The following VRK2 variants were observed in gnomAD, a reference collection of about 807,000 sequenced individuals.
The protein encoded by VRK2 is VRK serine/threonine kinase 2.
A neutral mutation model predicts 57.6 loss-of-function variants in VRK2; 60 were observed. The ratio of observed to expected loss-of-function variants is 1.04; its 90% CI spans 0.85 to 1.29. The LOEUF (loss-of-function observed/expected upper bound fraction) is 1.29, where lower values mean the gene tolerates loss of function less well. Ranked by LOEUF, VRK2 falls within the 50% of genes most tolerant of loss-of-function variation. VRK2 has a pLI of 0.00. For synonymous variants in VRK2, 231 were observed against 199.2 expected, an observed-to-expected ratio of 1.16 and a Z score of -1.35; for missense variants, 705 against 588.1, an observed-to-expected ratio of 1.20 and a Z score of -2.06.
intron 12 of VRK2, among the ~76,000 whole-genome samples, chr2:58,158,545 A>C (rs1684382906): frequency 7.6e-6 from 1 of 131,920 alleles, no homozygotes; most frequent in Non-Finnish European, 1.8e-5. Flanking sequence ...GAACAAGCTT[A>C]AAGTATTTTG....
chr2:57,977,671 C>A (rs1028285144), intron 1 of VRK2, among the ~76,000 whole-genome samples: 3 of 151,154 alleles, frequency 2.0e-5, no homozygotes, highest in African/African-American at 7.4e-5. Context: ...AAAGAGAGAT[C>A]GTTTGACTTC....
chr2:58,054,625 A>G (rs528745091), intron 2 of VRK2, among the ~76,000 whole-genome samples: 13 of 152,276 alleles, frequency 8.5e-5, no homozygotes, highest in Middle Eastern at 3.4e-3. Flanking sequence ...AGGAATATCT[A>G]TATCAGATAA....
chr2:57,945,532 T>C (rs1671236519), intron 1 of VRK2, among the ~76,000 whole-genome samples: 1 of 152,170 alleles, frequency 6.6e-6, no homozygotes, highest in Non-Finnish European at 1.5e-5. Context: ...TATTTTAAAT[T>C]CTCATCATGC....
At chr2:58,036,809 T>C (rs955473433) in intron 3 of VRK2, among the ~76,000 whole-genome samples, 6 of 152,208 alleles carry the variant, frequency 3.9e-5, no homozygotes, top group East Asian at 3.9e-4. Flanking sequence ...CATAACTCTC[T>C]ATAATGATGG....
At chr2:58,092,216 AGAT>A (rs1196204328) in intron 7 of VRK2, among the ~76,000 whole-genome samples, 1 of 152,084 alleles carries the variant, frequency 6.6e-6, no homozygotes, top group African/African-American at 2.4e-5. Flanking sequence ...CAGCCCCAGG[AGAT>A]GATTTCTGTC....
upstream of VRK2, among the ~76,000 whole-genome samples, chr2:58,042,358 A>C (rs975409520): frequency 3.9e-5 from 6 of 152,116 alleles, no homozygotes; most frequent in African/African-American, 1.4e-4. Context: ...CAAAATTATT[A>C]ATTTCAAAAT....
At chr2:58,092,984 G>A (rs1240850231) in intron 7 of VRK2, among the ~76,000 whole-genome samples, 1 of 152,092 alleles carries the variant, frequency 6.6e-6, no homozygotes, top group South Asian at 2.1e-4. Context: ...CCCTACAAAG[G>A]ACATGAACTC....
At chr2:58,015,769 G>T (rs1300996233) in intron 1 of VRK2, among the ~76,000 whole-genome samples, 1 of 151,994 alleles carries the variant, frequency 6.6e-6, no homozygotes, top group African/African-American at 2.4e-5. Context: ...GGTATGTTTT[G>T]TGAGCCATTG....
intron 1 of VRK2, among the ~76,000 whole-genome samples, chr2:57,933,859 C>A (rs1465046643): frequency 6.6e-6 from 1 of 152,114 alleles, no homozygotes. Context: ...TTCTTTAGTG[C>A]AATCCTTGGA....
At position 58,048,944 on chromosome 2, in the gene VRK2, G is replaced by A. The variant is rs943968000; in HGVS notation, c.113G>A (p.Gly38Glu). The part of the protein sequence containing the change: ...QWVLGKKIGS[G>E]GFGLIYLAFP... ...GTACTGGGCAAGAAGATTGGCTCTG[G>A]AGGATTTGGATTGATATATTTAGGT... Residue 38 changes from glycine (G) to glutamate (E), a missense_variant, in exon 2 of 13, where the codon GGA (glycine) becomes GAA (glutamate). By Grantham distance (98) the Gly-to-Glu change is moderately conservative. Coordinates refer to ENST00000340157, the MANE Select transcript of VRK2 (RefSeq NM_006296.7). 2 of 1,613,826 alleles carry A rather than the reference G, an allele frequency of 1.2e-6. No homozygotes were observed. The highest frequency in any genetic ancestry group is 1.7e-6 in the Non-Finnish European group (2 of 1,179,856).
chr2:58,134,973 C>T (rs1469176884), intron 9 of VRK2, among the ~76,000 whole-genome samples, 168 bp from the exon 10 acceptor site: 1 of 151,996 alleles, frequency 6.6e-6, no homozygotes, highest in Non-Finnish European at 1.5e-5. Context: ...TGAGGGTTCT[C>T]CTCTACTTCT....
chr2:58,038,587 G>A (rs937450558), intron 3 of VRK2, among the ~76,000 whole-genome samples: 14 of 152,094 alleles, frequency 9.2e-5, no homozygotes, highest in Middle Eastern at 3.4e-3. Context: ...TACTAAACAA[G>A]CCTTATCTAC....
rs1671922595 is a variant in VRK2, at chr2:58,088,362, A to G, written c.366A>G (p.Glu122=). The change falls in exon 6 of 13, where the codon GAA becomes GAG. Residue 122 remains glutamate (E), a synonymous_variant. Coordinates refer to ENST00000340157, the MANE Select transcript of VRK2 (RefSeq NM_006296.7). ...KGRSYRFMVM[E]RLGIDLQKIS... ...ACAGTTACAGATTTATGGTAATGGA[A>G]AGACTAGGAATAGATTTACAGAAGA... The G allele has an allele frequency of 1.2e-6, 2 of 1,611,880 alleles. No homozygotes were observed. The highest frequency in any genetic ancestry group is 2.7e-5 in the African/African-American group (2 of 74,838).
upstream of VRK2, among the ~76,000 whole-genome samples, chr2:58,043,273 A>G (rs903972110): frequency 6.6e-6 from 1 of 152,162 alleles, no homozygotes; most frequent in Non-Finnish European, 1.5e-5. Context: ...AATGGCCTCA[A>G]AGACTCAGGA....
intron 9 of VRK2, 115 bp from the exon 10 acceptor site, chr2:58,135,025 AG>A (rs780160896): frequency 8.2e-3 from 7,916 of 966,140 alleles, no homozygotes; most frequent in East Asian, 0.011. Flanking sequence ...CAAAAAAAAA[AG>A]CATTGAAAGT....
At chr2:58,120,301 C>T (rs78908568) in intron 7 of VRK2, among the ~76,000 whole-genome samples, 9,738 of 148,534 alleles carry the variant, frequency 0.066, 1,060 homozygotes, top group African/African-American at 0.23. Flanking sequence ...AGCAATTCTC[C>T]TGCCTCAGCT....
At chr2:58,125,030 C>T (rs947884099) in intron 8 of VRK2, among the ~76,000 whole-genome samples, 4 of 152,198 alleles carry the variant, frequency 2.6e-5, no homozygotes, top group Non-Finnish European at 5.9e-5. Flanking sequence ...TATTCTGTTA[C>T]ACCTAATAGA....
intron 2 of VRK2, among the ~76,000 whole-genome samples, chr2:58,067,719 A>C (rs1668797156): frequency 6.6e-6 from 1 of 151,996 alleles, no homozygotes; most frequent in African/African-American, 2.4e-5. Context: ...TTCATTGAAA[A>C]TCCCTTCAGT....
chr2:58,090,446 A>C (rs1672221459), intron 7 of VRK2, among the ~76,000 whole-genome samples: 3 of 152,082 alleles, frequency 2.0e-5, no homozygotes, highest in Admixed American at 2.0e-4. Context: ...TTTCCATTAA[A>C]ATTTTGTGTA....
Sources: allele counts gnomAD v4.1 joint callset (sites outside exome capture counted in the v4.1 genomes callset), GRCh38; gene constraint gnomAD v4.1.1; transcripts MANE v1.5; gene names NCBI Gene and HGNC (gene_info 2026-07-23, HGNC 2026-07-21).